The following EDDM13 variants were observed in gnomAD, a reference collection of about 807,000 sequenced individuals.
EDDM13 encodes the protein epididymal protein 13.
EDDM13 carries 24 observed loss-of-function variants against 17.8 expected under a neutral mutation model. That is an observed-to-expected ratio of 1.35 (90% CI 0.98 to 1.90). The LOEUF is 1.90. Among genes scored for constraint, EDDM13 ranks in the 40% most tolerant of loss-of-function variants. The pLI, the probability that EDDM13 is intolerant of heterozygous loss-of-function variation, is 0.00. For missense variants in EDDM13, 97 were observed against 100.8 expected (o/e 0.96, Z 0.16); for synonymous variants, 31 against 37.5 (o/e 0.83, Z 0.63).
Position 56,310,330 on chromosome 19 carries a change from T to C in EDDM13, c.*182T>C, listed in dbSNP as rs2040958638. ...GAAGGTGTCTGTGGGGGCCATGCCTTAGGGGGATGCACCCAGGGCGGCTGA... is the reference window on the plus strand; with the variant it reads ...GAAGGTGTCTGTGGGGGCCATGCCTCAGGGGGATGCACCCAGGGCGGCTGA... On this transcript the variant is annotated 3_prime_UTR_variant, in exon 15 of 15. Coordinates refer to ENST00000649256, the MANE Select transcript of EDDM13 (RefSeq NM_001354658.2). The C allele has an allele frequency of 6.6e-6, 1 of 152,242 alleles. No homozygotes were observed. Among genetic ancestry groups the C allele is most frequent in the South Asian group, 2.1e-4 (1 of 4,828 alleles). 9.4% of individuals were successfully genotyped at this position (152,242 alleles called of 1,614,324 possible).
intron 8 of EDDM13, among the ~76,000 whole-genome samples, 70 bp downstream of exon 8, chr19:56,288,961 T>C (rs901133800): frequency 1.3e-5 from 2 of 152,134 alleles, no homozygotes; most frequent in Non-Finnish European, 1.5e-5. Context: ...TCAAACTCCT[T>C]TAAGAAAATG....
chr19:56,290,102 A>G (rs1017830321), intron 8 of EDDM13, among the ~76,000 whole-genome samples: 1 of 152,238 alleles, frequency 6.6e-6, no homozygotes, highest in African/African-American at 2.4e-5. Flanking sequence ...TTTTTCAAAA[A>G]GACAGATTTC....
At chr19:56,279,455 C>T (rs1248780552) in intron 2 of EDDM13, among the ~76,000 whole-genome samples, 2 of 152,090 alleles carry the variant, frequency 1.3e-5, no homozygotes, top group African/African-American at 4.8e-5. Flanking sequence ...TAATTTAATG[C>T]TATTATTTCA....
intron 1 of EDDM13, among the ~76,000 whole-genome samples, chr19:56,273,490 T>C (rs1047694404): frequency 5.5e-5 from 7 of 127,012 alleles, no homozygotes; most frequent in African/African-American, 1.8e-4. Context: ...TTCATGGAAT[T>C]CTCATGCTAA....
intron 14 of EDDM13, among the ~76,000 whole-genome samples, chr19:56,306,065 T>C (rs954361015): frequency 6.6e-6 from 1 of 151,812 alleles, no homozygotes; most frequent in Non-Finnish European, 1.5e-5. Flanking sequence ...GAGCAAGCAT[T>C]TTAGACCCAA....
chr19:56,280,802 CT>C (rs2038635102), intron 2 of EDDM13: 1 of 152,146 alleles, frequency 6.6e-6, no homozygotes, highest in Admixed American at 6.5e-5. Context: ...AAGTTGAGCC[CT>C]TGTGACCTAA....
intron 9 of EDDM13, among the ~76,000 whole-genome samples, chr19:56,295,480 A>G (rs1328605517): frequency 6.6e-6 from 1 of 152,156 alleles, no homozygotes; most frequent in Admixed American, 6.5e-5. Context: ...CTGTGCTCCC[A>G]GCTACTCAGG....
At chr19:56,296,815 C>T (rs112383198) in intron 11 of EDDM13, among the ~76,000 whole-genome samples, 2 of 152,164 alleles carry the variant, frequency 1.3e-5, no homozygotes, top group Non-Finnish European at 2.9e-5. Flanking sequence ...GGGTGGATCA[C>T]CTGAGGTCAG....
intron 4 of EDDM13, chr19:56,283,381 A>G (rs1005640308): frequency 3.3e-5 from 5 of 152,186 alleles, no homozygotes; most frequent in African/African-American, 1.2e-4. Flanking sequence ...CACAGATCCA[A>G]ACAGGAAACA....
intron 9 of EDDM13, among the ~76,000 whole-genome samples, chr19:56,294,562 G>A (rs1258397922): frequency 1.3e-5 from 2 of 152,138 alleles, no homozygotes; most frequent in African/African-American, 2.4e-5. Context: ...GGTCTCTGCT[G>A]CCACTCACTA....
chr19:56,281,801 C>A, intron 3 of EDDM13, 103 bp downstream of exon 3: 1 of 596,064 alleles, frequency 1.7e-6, no homozygotes, highest in African/African-American at 2.0e-5. Context: ...CGATCACATT[C>A]AACCTGGGGC....
intron 3 of EDDM13, 43 bp from the exon 4 acceptor site, chr19:56,282,448 G>C: frequency 1.0e-6 from 1 of 983,292 alleles, no homozygotes; most frequent in East Asian, 1.1e-4. Flanking sequence ...GTTCCCACTG[G>C]CTACCATCGG....
At chr19:56,303,177 G>A (rs930957251) in intron 13 of EDDM13, among the ~76,000 whole-genome samples, 3 of 152,068 alleles carry the variant, frequency 2.0e-5, no homozygotes, top group Non-Finnish European at 2.9e-5. Context: ...AATAAGGCAG[G>A]GTGCAAGAAA....
intron 2 of EDDM13, among the ~76,000 whole-genome samples, chr19:56,280,151 CTCT>C (rs1208375256): frequency 2.0e-5 from 3 of 152,048 alleles, no homozygotes; most frequent in Admixed American, 6.5e-5. Context: ...ATTCAAAGTC[CTCT>C]TGTTTCTATT....
At chr19:56,307,719 G>C (rs565302529) in intron 14 of EDDM13, among the ~76,000 whole-genome samples, 4 of 152,230 alleles carry the variant, frequency 2.6e-5, no homozygotes, top group Admixed American at 1.3e-4. Context: ...TTTTCCCCAA[G>C]GTCTGTATGT....
At chr19:56,281,298 T>C (rs2038680721) in intron 2 of EDDM13, among the ~76,000 whole-genome samples, 1 of 152,156 alleles carries the variant, frequency 6.6e-6, no homozygotes, top group South Asian at 2.1e-4. Context: ...AATGCACATC[T>C]AAGTGGATAA....
At chr19:56,290,256 G>A (rs886971209) in intron 8 of EDDM13, among the ~76,000 whole-genome samples, 3 of 152,198 alleles carry the variant, frequency 2.0e-5, no homozygotes, top group Non-Finnish European at 4.4e-5. Context: ...TCAGCAGAAA[G>A]GCCCACTGCT....
intron 6 of EDDM13, among the ~76,000 whole-genome samples, chr19:56,286,047 A>C (rs1393259647): frequency 6.6e-6 from 1 of 152,156 alleles, no homozygotes; most frequent in Non-Finnish European, 1.5e-5. Context: ...TTAGAGACGG[A>C]GTCTCGCTCT....
intron 12 of EDDM13, chr19:56,298,102 G>A (rs2039997150): frequency 6.6e-6 from 1 of 150,454 alleles, no homozygotes; most frequent in African/African-American, 2.4e-5. Context: ...AACACTAATG[G>A]TTGGTTCTTT....
Sources: gnomAD v4.1 joint callset for allele counts (sites outside exome capture counted in the v4.1 genomes callset) on GRCh38, gnomAD v4.1.1 for gene constraint, MANE v1.5 for transcripts, NCBI Gene and HGNC (gene_info 2026-07-23, HGNC 2026-07-21) for gene names.